The following MYH11 variants were observed in gnomAD, a reference collection of about 807,000 sequenced individuals.
MYH11 encodes the protein myosin heavy chain 11, also known as myosin-11.
In MYH11, 80 loss-of-function variants were observed where a neutral mutation model predicts 246.6. The ratio of observed to expected loss-of-function variants is 0.32; its 90% CI spans 0.27 to 0.39. MYH11 has a LOEUF of 0.39. MYH11 is among the 10% of genes least tolerant of loss of function. The pLI is 1.00. For missense variants in MYH11, 2,158 were observed against 2,546.8 expected (o/e 0.85, Z 3.29); for synonymous variants, 1,071 against 1,015.5 (o/e 1.05, Z -1.04).
intron 6 of MYH11, among the ~76,000 whole-genome samples, chr16:15,779,950 A>G (rs2042308144): frequency 1.3e-5 from 2 of 152,204 alleles, no homozygotes; most frequent in Admixed American, 1.3e-4. Context: ...TCAGTCCTTG[A>G]CAAAACCTTC....
chr16:15,714,880 G>A (rs368788669), intron 40 of MYH11, 29 bp downstream of exon 40: 146 of 1,612,108 alleles, frequency 9.1e-5, no homozygotes, highest in African/African-American at 3.7e-4. Flanking sequence ...CCTGAGAGAC[G>A]GGGTCCTCCC....
intron 40 of MYH11, among the ~76,000 whole-genome samples, chr16:15,705,031 G>A (rs941351357): frequency 6.6e-6 from 1 of 152,210 alleles, no homozygotes; most frequent in Non-Finnish European, 1.5e-5. Flanking sequence ...CCAGGCTGGA[G>A]TGCAGTGGCA....
intron 2 of MYH11, among the ~76,000 whole-genome samples, chr16:15,830,076 A>C (rs564154936): frequency 1.3e-5 from 2 of 152,126 alleles, no homozygotes; most frequent in East Asian, 3.9e-4. Flanking sequence ...CAGAGGTTGC[A>C]GTGAGCTGAG....
At chr16:15,745,020 C>T (rs1193900331) in intron 20 of MYH11, 109 bp downstream of exon 20, 10 of 852,342 alleles carry the variant, frequency 1.2e-5, no homozygotes, top group Non-Finnish European at 2.0e-5. Flanking sequence ...AGTTCGAGCC[C>T]TCCATTCCAC....
At chr16:15,763,741 T>TGG in intron 10 of MYH11, 55 bp downstream of exon 10, 2 of 646,858 alleles carry the variant, frequency 3.1e-6, no homozygotes, top group Non-Finnish European at 5.8e-6. Flanking sequence ...AAATGTCACC[T>TGG]CCCCCACCCC....
intron 8 of MYH11, 62 bp from the exon 9 acceptor site, chr16:15,771,774 C>A: frequency 6.3e-7 from 1 of 1,594,910 alleles, no homozygotes. Context: ...AACATGAGAC[C>A]GAGATCTGGT....
chr16:15,722,194 C>T (rs959960019), intron 31 of MYH11, among the ~76,000 whole-genome samples: 1 of 152,122 alleles, frequency 6.6e-6, no homozygotes, highest in Admixed American at 6.6e-5. Context: ...GACCTGCCCA[C>T]GTTGCTTAGA....
intron 1 of MYH11, among the ~76,000 whole-genome samples, chr16:15,848,649 G>A (rs962879454): frequency 6.6e-6 from 1 of 152,126 alleles, no homozygotes; most frequent in Admixed American, 6.5e-5. Flanking sequence ...GATGCCAGTA[G>A]CACCCCTTCC....
Position 15,738,667 on chromosome 16 carries a change from TCTC to T in MYH11, c.3016_3018del (p.Glu1006del). 6.2e-7 allele frequency: 1 copy of T among 1,614,014 alleles called. No homozygotes were observed. The highest frequency in any genetic ancestry group is 8.5e-7 in the Non-Finnish European group (1 of 1,179,914). On this transcript the variant is annotated inframe_deletion, in exon 24 of 41. Coordinates refer to ENST00000300036, the MANE Select transcript of MYH11 (RefSeq NM_002474.3). Reference sequence around the variant, plus strand: ...AGATTTGTCGTTAAGTCACTAATCCTCTCCTCAAGGAGTTTTCGTTCCTTTTTG... The same window carrying T: ...AGATTTGTCGTTAAGTCACTAATCCTCTCAAGGAGTTTTCGTTCCTTTTTG...
In MYH11 at chr16:15,758,798, T is replaced by TA. The variant is rs201338555; in HGVS notation, c.1401+777dup. Among the ~76,000 whole-genome samples the TA allele has an allele frequency of 5.7e-3, 763 of 134,174 alleles. 8 individuals are homozygous for TA. The highest frequency in any genetic ancestry group is 0.014 in the African/African-American group (505 of 36,354). 88.0% of individuals were successfully genotyped at this position (134,174 alleles called of 152,430 possible). On this transcript the variant is annotated intron_variant, in intron 12 of 40. Coordinates refer to ENST00000300036, the MANE Select transcript of MYH11 (RefSeq NM_002474.3). ...CTGGGCAACAGAGCGAGACTCTGTC[T>TA]AAAAAAAAAAAAAAAATTAGCTGGG...
At chr16:15,726,766 C>T in intron 28 of MYH11, 82 bp downstream of exon 28, 1 of 1,534,112 alleles carries the variant, frequency 6.5e-7, no homozygotes, top group South Asian at 1.1e-5. Context: ...AGAGAGACCT[C>T]AGCGAGCCGG....
rs370416092 is a variant in MYH11, at chr16:15,725,043, G to A, written c.3859-51C>T. On this transcript the variant is annotated intron_variant, in intron 28 of 40. Transcript: ENST00000300036. ...TCAAAGCCTCTAGAAGGGGATCCTC[G>A]TTGAAAGGAGCCCTTTTTACTCAAA... The A allele has an allele frequency of 2.3e-5, 35 of 1,495,798 alleles. 1 individual carries two copies. Among genetic ancestry groups the A allele is most frequent in the East Asian group, 6.9e-5 (3 of 43,576 alleles). 92.7% of individuals were successfully genotyped at this position (1,495,798 alleles called of 1,614,324 possible). A position where few individuals can be genotyped will look rare whatever the true frequency, so the allele number is the denominator to read the frequency against.
intron 8 of MYH11, among the ~76,000 whole-genome samples, chr16:15,773,015 T>G (rs1167255467): frequency 1.3e-5 from 2 of 152,084 alleles, no homozygotes; most frequent in Non-Finnish European, 2.9e-5. Context: ...TACAATGTAA[T>G]AATAAAGTGC....
intron 3 of MYH11, among the ~76,000 whole-genome samples, chr16:15,802,252 C>A (rs993255154): frequency 1.3e-5 from 2 of 152,216 alleles, no homozygotes; most frequent in African/African-American, 4.8e-5. Flanking sequence ...GCACTGCAGG[C>A]GTATGCTGAA....
intron 3 of MYH11, among the ~76,000 whole-genome samples, chr16:15,820,860 T>C (rs897512249): frequency 1.3e-5 from 2 of 152,136 alleles, no homozygotes; most frequent in African/African-American, 4.8e-5. Flanking sequence ...TTTTTATAAT[T>C]TGCAATGTTG....
chr16:15,707,674 C>T (rs1224087875), intron 40 of MYH11, among the ~76,000 whole-genome samples: 3 of 152,148 alleles, frequency 2.0e-5, no homozygotes, highest in African/African-American at 7.2e-5. Flanking sequence ...AAGTCAGATC[C>T]ACATGGCCTA....
chr16:15,762,531 C>T (rs1033744918), intron 10 of MYH11, among the ~76,000 whole-genome samples: 1 of 152,084 alleles, frequency 6.6e-6, no homozygotes, highest in Non-Finnish European at 1.5e-5. Flanking sequence ...CAGCTGACAC[C>T]ACCCAGATCG....
At chr16:15,708,864 G>C (rs183887960) in intron 40 of MYH11, 1 of 1,607,388 alleles carries the variant, frequency 6.2e-7, no homozygotes, top group Non-Finnish European at 8.5e-7. Context: ...GAGAATCCCC[G>C]GAGGTTACCA....
intron 3 of MYH11, among the ~76,000 whole-genome samples, chr16:15,822,682 T>G (rs955191925): frequency 6.6e-6 from 1 of 152,172 alleles, no homozygotes; most frequent in Admixed American, 6.5e-5. Context: ...ACCACTGCAC[T>G]TCAGCCTGGG....
Sources: gnomAD v4.1 joint callset for allele counts (sites outside exome capture counted in the v4.1 genomes callset) on GRCh38, gnomAD v4.1.1 for gene constraint, MANE v1.5 for transcripts, NCBI Gene and HGNC (gene_info 2026-07-23, HGNC 2026-07-21) for gene names.